Variants in SCAF4 observed in about 807,000 individuals in gnomAD.
The protein encoded by SCAF4 is SR-related CTD associated factor 4, also known as SR-related and CTD-associated factor 4.
SCAF4 carries 25 observed loss-of-function variants against 129.8 expected under a neutral mutation model. The observed-to-expected ratio is 0.19, with a 90% confidence interval of 0.14 to 0.27. The LOEUF (loss-of-function observed/expected upper bound fraction) is 0.27. Among genes scored for constraint, SCAF4 ranks in the 10% least tolerant of loss-of-function variants. SCAF4 has a pLI of 1.00. For missense variants in SCAF4, 1,246 were observed against 1,457.1 expected (o/e 0.86, Z 2.36); for synonymous variants, 551 against 497.7 (o/e 1.11, Z -1.43).
At chr21:31,700,049 T>C (rs1006801226) in intron 7 of SCAF4, among the ~76,000 whole-genome samples, 6 of 151,822 alleles carry the variant, frequency 4.0e-5, no homozygotes, top group African/African-American at 1.5e-4. Context: ...CAGCTTTGAA[T>C]TCCTGGGGCC....
chr21:31,705,577 CTGAA>C lies in SCAF4; in HGVS notation c.115-114_115-111del, dbSNP rs536038025. 1.3e-3 allele frequency: 501 copies of C among 385,086 alleles called. 1 individual carries two copies. The highest frequency in any genetic ancestry group is 9.0e-3 in the African/African-American group (431 of 47,920). 23.9% of individuals were successfully genotyped at this position (385,086 alleles called of 1,614,324 possible). On this transcript the variant is annotated intron_variant, in intron 2 of 19. Coordinates refer to ENST00000286835, the MANE Select transcript of SCAF4 (RefSeq NM_020706.2). ...CTATACAATCTAAATATTATCAATA[CTGAA>C]TGAACCATGAGAAATACATAATAAA... is the stretch of plus-strand genomic sequence containing the variant.
At chr21:31,726,508 T>C (rs779382143) in intron 1 of SCAF4, among the ~76,000 whole-genome samples, 10 of 151,284 alleles carry the variant, frequency 6.6e-5, no homozygotes, top group East Asian at 5.8e-4. Flanking sequence ...CCGAAAAAAA[T>C]TGAAAAATTA....
At chr21:31,683,631 A>G (rs1307920920) in intron 19 of SCAF4, among the ~76,000 whole-genome samples, 2 of 152,158 alleles carry the variant, frequency 1.3e-5, no homozygotes, top group African/African-American at 4.8e-5. Context: ...TAGGATTCAT[A>G]ATCAAGGGTG....
intron 4 of SCAF4, 36 bp downstream of exon 4, chr21:31,703,729 A>G (rs768937033): frequency 1.8e-6 from 2 of 1,125,670 alleles, no homozygotes; most frequent in Non-Finnish European, 2.5e-6. Flanking sequence ...AATATTTTTT[A>G]AAGAATACAA....
intron 1 of SCAF4, among the ~76,000 whole-genome samples, chr21:31,726,043 CCTT>C (rs2051194021): frequency 6.6e-6 from 1 of 151,210 alleles, no homozygotes; most frequent in Non-Finnish European, 1.5e-5. Context: ...TCTCTGTGGC[CCTT>C]AACTTTTTTT....
At chr21:31,711,983 T>C (rs1022171602) in intron 1 of SCAF4, among the ~76,000 whole-genome samples, 1 of 152,192 alleles carries the variant, frequency 6.6e-6, no homozygotes, top group East Asian at 1.9e-4. Context: ...ATGATTTATT[T>C]AGATGATCAA....
At chr21:31,729,169 C>T (rs556661130) in intron 1 of SCAF4, among the ~76,000 whole-genome samples, 1 of 152,226 alleles carries the variant, frequency 6.6e-6, no homozygotes, top group African/African-American at 2.4e-5. Flanking sequence ...AACTGAAATT[C>T]AAACACATTA....
At chr21:31,702,990 T>G (rs185092962) in intron 4 of SCAF4, among the ~76,000 whole-genome samples, 44 of 152,310 alleles carry the variant, frequency 2.9e-4, no homozygotes, top group African/African-American at 1.0e-3. Context: ...GTATGTTTAC[T>G]AGTATAATTC....
At chr21:31,695,845 A>T (rs142691420) in intron 9 of SCAF4, among the ~76,000 whole-genome samples, 7 of 152,352 alleles carry the variant, frequency 4.6e-5, no homozygotes, top group Non-Finnish European at 8.8e-5. Context: ...TGTATAACTA[A>T]ACAGGTCGGT....
chr21:31,693,017 TGAA>T (rs2050296535), intron 12 of SCAF4, among the ~76,000 whole-genome samples: 1 of 152,248 alleles, frequency 6.6e-6, no homozygotes, highest in African/African-American at 2.4e-5. Flanking sequence ...AAATGTATTC[TGAA>T]GACATCTGAT....
Position 31,688,430 on chromosome 21 carries a change from T to G in SCAF4, c.1920A>C (p.Glu640Asp), listed in dbSNP as rs368700779. ...TTTCAGCACCTCCATTTTGAGCAAC[T>G]TCATTTTCAGGCTTCTTAGGAATTC... is the stretch of plus-strand genomic sequence containing the variant. ...WKGIPKKPEN[E>D]VAQNGGAETS... The change falls in exon 16 of 20, where the codon GAA (glutamate) becomes GAC (aspartate). Residue 640 changes from glutamate (E) to aspartate (D), a missense_variant. By Grantham distance (45) the Glu-to-Asp change is conservative (BLOSUM62 2). Transcript: ENST00000286835. The G allele has an allele frequency of 5.0e-5, 81 of 1,613,966 alleles. No homozygotes were observed. The highest frequency in any genetic ancestry group is 5.8e-5 in the Non-Finnish European group (68 of 1,179,990).
At chr21:31,711,312 AC>A (rs990045388) in intron 1 of SCAF4, among the ~76,000 whole-genome samples, 3 of 152,230 alleles carry the variant, frequency 2.0e-5, no homozygotes, top group African/African-American at 7.2e-5. Context: ...GCACAAATTC[AC>A]CAAACGGTCT....
intron 19 of SCAF4, among the ~76,000 whole-genome samples, chr21:31,676,889 C>A (rs1042515925): frequency 6.6e-6 from 1 of 152,112 alleles, no homozygotes; most frequent in African/African-American, 2.4e-5. Context: ...CAAGCAACCA[C>A]ATAATGTTTT....
chr21:31,692,792 T>C (rs1361708243), intron 12 of SCAF4, among the ~76,000 whole-genome samples: 1 of 152,222 alleles, frequency 6.6e-6, no homozygotes, highest in Non-Finnish European at 1.5e-5. Flanking sequence ...CTCAAGTCTC[T>C]TGATTACCAA....
At chr21:31,715,717 C>T (rs2050906661) in intron 1 of SCAF4, among the ~76,000 whole-genome samples, 1 of 152,146 alleles carries the variant, frequency 6.6e-6, no homozygotes, top group Non-Finnish European at 1.5e-5. Context: ...TCCTCCAAGT[C>T]AATGTTTTCT....
intron 1 of SCAF4, among the ~76,000 whole-genome samples, chr21:31,729,065 T>G (rs1018195252): frequency 6.6e-6 from 1 of 152,176 alleles, no homozygotes; most frequent in Non-Finnish European, 1.5e-5. Context: ...TCCTACCAAG[T>G]CTCTGCCTCC....
At chr21:31,725,154 G>A (rs1410937679) in intron 1 of SCAF4, among the ~76,000 whole-genome samples, 1 of 152,024 alleles carries the variant, frequency 6.6e-6, no homozygotes, top group Non-Finnish European at 1.5e-5. Flanking sequence ...GCCAATAATC[G>A]ACCTGGTCCT....
At chr21:31,676,626 G>A (rs1047640085) in intron 19 of SCAF4, among the ~76,000 whole-genome samples, 4 of 152,106 alleles carry the variant, frequency 2.6e-5, no homozygotes, top group African/African-American at 7.2e-5. Flanking sequence ...TCATGTCCTG[G>A]ATGAGGACAC....
Position 31,696,623 on chromosome 21 carries a change from A to G in SCAF4, c.905T>C (p.Val302Ala). The G allele has an allele frequency of 6.2e-7, 1 of 1,612,554 alleles. No homozygotes were observed. The highest frequency in any genetic ancestry group is 8.5e-7 in the Non-Finnish European group (1 of 1,179,440). The change falls in exon 8 of 20, where the codon GTG (valine) becomes GCG (alanine). Residue 302 changes from valine to alanine, a missense_variant. Transcript: ENST00000286835. The part of the protein sequence containing the change: ...AAVPPAPTAT[V>A]PAAAAPAAAS... ...AGCAGCGGGTGCAGCAGCAGCAGGC[A>G]CGGTGGCGGTGGGTGCAGGGGGTAC...
Sources: allele counts gnomAD v4.1 joint callset (sites outside exome capture counted in the v4.1 genomes callset), GRCh38; gene constraint gnomAD v4.1.1; transcripts MANE v1.5; gene names NCBI Gene and HGNC (gene_info 2026-07-23, HGNC 2026-07-21).